Variants in ARHGAP35 observed in about 807,000 individuals in gnomAD.
ARHGAP35 encodes the protein Rho GTPase activating protein 35.
ARHGAP35 carries 15 observed loss-of-function variants against 111.1 expected under a neutral mutation model. The observed-to-expected ratio is 0.13, with a 90% CI of 0.09 to 0.21. ARHGAP35 has a LOEUF of 0.21. ARHGAP35 is among the 10% of genes least tolerant of loss of function. ARHGAP35 has a pLI of 1.00. For synonymous variants in ARHGAP35, 643 were observed against 710.3 expected (o/e 0.91, Z 1.51); for missense variants, 1,262 against 1,873.0 (o/e 0.67, Z 6.02).
chr19:46,943,331 G>T (rs923522357), intron 3 of ARHGAP35, among the ~76,000 whole-genome samples: 2 of 152,194 alleles, frequency 1.3e-5, no homozygotes, highest in East Asian at 1.9e-4. Flanking sequence ...TGAGCAGGGG[G>T]TTGAGCACCC....
In ARHGAP35 at chr19:46,943,077, G is replaced by A. The variant is rs191037778; in HGVS notation, c.3826+5669G>A. Among the ~76,000 whole-genome samples, 638 of 149,360 alleles carry A rather than the reference G, an allele frequency of 4.3e-3. 1 individual carries two copies. The highest frequency in any genetic ancestry group is 6.8e-3 in the Non-Finnish European group (459 of 67,664). ...TTTTAAAGAGACAGAGTCTCACTCT[G>A]TCACTGAGGCTGGAGTACAATGGTG... On this transcript the variant is annotated intron_variant, in intron 3 of 6. Transcript: ENST00000672722.
chr19:46,877,724 G>T (rs552144466), intron 1 of ARHGAP35, among the ~76,000 whole-genome samples: 2 of 151,236 alleles, frequency 1.3e-5, no homozygotes, highest in Non-Finnish European at 2.9e-5. Context: ...TTTTTTGGAG[G>T]GGGGACAGTT....
chr19:46,949,509 T>A (rs2056400095), intron 3 of ARHGAP35, among the ~76,000 whole-genome samples: 1 of 152,206 alleles, frequency 6.6e-6, no homozygotes, highest in East Asian at 1.9e-4. Context: ...AAACCCAGAA[T>A]ATGATACATT....
At chr19:46,979,617 C>T (rs1007701552) in intron 3 of ARHGAP35, among the ~76,000 whole-genome samples, 1 of 152,202 alleles carries the variant, frequency 6.6e-6, no homozygotes, top group Non-Finnish European at 1.5e-5. Context: ...GATGCTAGAG[C>T]CATCTGATCC....
intron 1 of ARHGAP35, among the ~76,000 whole-genome samples, chr19:46,877,327 C>T (rs1020933431): frequency 5.3e-5 from 8 of 149,940 alleles, no homozygotes; most frequent in Admixed American, 2.0e-4. Context: ...CTTTGGGAGG[C>T]GGAGGTGGGT....
chr19:46,964,087 T>C (rs751443813), intron 3 of ARHGAP35, among the ~76,000 whole-genome samples: 2 of 151,958 alleles, frequency 1.3e-5, no homozygotes, highest in Non-Finnish European at 2.9e-5. Flanking sequence ...AAGCTGGTCT[T>C]GAACTCCTGA....
intron 3 of ARHGAP35, among the ~76,000 whole-genome samples, chr19:46,951,258 A>G (rs557915121): frequency 7.5e-4 from 115 of 152,364 alleles, no homozygotes; most frequent in African/African-American, 2.7e-3. Context: ...GCTTGCCATT[A>G]GATCACAGGC....
intron 3 of ARHGAP35, chr19:46,946,756 T>A (rs1163974161): frequency 6.6e-6 from 1 of 152,464 alleles, no homozygotes; most frequent in Non-Finnish European, 1.5e-5. Context: ...TGTGTGTGTG[T>A]GTGTGTTTGA....
In ARHGAP35 at chr19:46,937,271, A is replaced by G. The variant is rs1464512968; in HGVS notation, c.3689A>G (p.Lys1230Arg). ...TTTCTCTTTCCTGGACAGAAACCAA[A>G]GCCCAAACCCCGGCCATCCATCACA... Reference protein sequence around the residue: ...RSLRRNTKKPKPKPRPSITKA... With the variant: ...RSLRRNTKKPRPKPRPSITKA... Residue 1230 changes from lysine (K) to arginine (R), a missense_variant, in exon 3 of 7, where the codon AAG becomes AGG. Coordinates refer to ENST00000672722, the MANE Select transcript of ARHGAP35 (RefSeq NM_004491.5). The G allele has an allele frequency of 1.2e-6, 2 of 1,613,658 alleles. No individual in the cohort carries two copies. Among genetic ancestry groups the G allele is most frequent in the Admixed American group, 3.3e-5 (2 of 59,976 alleles).
At chr19:46,903,393 G>T (rs1599808359) in intron 1 of ARHGAP35, among the ~76,000 whole-genome samples, 3 of 152,294 alleles carry the variant, frequency 2.0e-5, no homozygotes, top group East Asian at 3.9e-4. Context: ...TAGCTGCTCT[G>T]TGCTCTTCCC....
chr19:46,971,101 G>A (rs1487821545), intron 3 of ARHGAP35, among the ~76,000 whole-genome samples: 1 of 152,138 alleles, frequency 6.6e-6, no homozygotes, highest in African/African-American at 2.4e-5. Flanking sequence ...ACCTCCATGT[G>A]TATGAACTAA....
At chr19:46,882,723 A>G (rs1466460364) in intron 1 of ARHGAP35, among the ~76,000 whole-genome samples, 1 of 151,404 alleles carries the variant, frequency 6.6e-6, no homozygotes, top group Non-Finnish European at 1.5e-5. Context: ...TCATTGTTCA[A>G]CTCCCACTTT....
chr19:46,879,617 A>AATAAAT (rs899638161), intron 1 of ARHGAP35, among the ~76,000 whole-genome samples: 3 of 141,342 alleles, frequency 2.1e-5, no homozygotes, highest in South Asian at 2.2e-4. Flanking sequence ...TAAATAAATA[A>AATAAAT]AAATAAAAAT....
rs118120137 is a variant in ARHGAP35 at position 46,898,744 on chromosome 19, G to A, written c.-188-19744G>A. On this transcript the variant is annotated intron_variant, in intron 1 of 6. Coordinates refer to ENST00000672722, the MANE Select transcript of ARHGAP35 (RefSeq NM_004491.5). ...CCAGAGATGAGAAAGCTGCCTGTGGGCTAGAACCCAGGAGCCTCCATGCAC... is the reference window on the plus strand; with the variant it reads ...CCAGAGATGAGAAAGCTGCCTGTGGACTAGAACCCAGGAGCCTCCATGCAC... Among the ~76,000 whole-genome samples, 7 of 152,292 alleles carry A rather than the reference G, an allele frequency of 4.6e-5. No homozygotes were observed. In the East Asian group the frequency reaches 1.2e-3, roughly 25 times the overall value.
chr19:46,880,178 A>C (rs1443909735), intron 1 of ARHGAP35, among the ~76,000 whole-genome samples: 1 of 152,124 alleles, frequency 6.6e-6, no homozygotes, highest in Non-Finnish European at 1.5e-5. Context: ...CACGCCTGTA[A>C]TCCCAACACT....
intron 5 of ARHGAP35, among the ~76,000 whole-genome samples, chr19:46,991,941 C>G (rs2056681487): frequency 6.6e-6 from 1 of 152,226 alleles, no homozygotes; most frequent in Non-Finnish European, 1.5e-5. Flanking sequence ...CAAATCCCAT[C>G]ACAACAAATA....
intron 1 of ARHGAP35, among the ~76,000 whole-genome samples, chr19:46,891,330 A>T (rs2056022361): frequency 6.6e-6 from 1 of 152,042 alleles, no homozygotes; most frequent in South Asian, 2.1e-4. Context: ...TATTCTACTT[A>T]TGTGAATGGG....
chr19:46,942,281 A>G (rs2056351919), intron 3 of ARHGAP35, among the ~76,000 whole-genome samples: 1 of 152,212 alleles, frequency 6.6e-6, no homozygotes, highest in Non-Finnish European at 1.5e-5. Context: ...TTATTTTCAC[A>G]TAATTCAGAG....
rs972295344 is a variant in ARHGAP35 at position 47,002,930 on chromosome 19, TCTC to T, written c.*2246_*2248del. On this transcript the variant is annotated 3_prime_UTR_variant, in exon 7 of 7. Transcript: ENST00000672722. ...GAGGAGCACCTGGGCTCTCTACCCC[TCTC>T]CTCACAGAAGTACCTGAAACTAGGT... 6.6e-6 allele frequency: 1 copy of T among 152,158 alleles called. No homozygotes were observed. 9.4% of individuals were successfully genotyped at this position (152,158 alleles called of 1,614,324 possible). A position where few individuals can be genotyped will look rare whatever the true frequency, so the allele number is the denominator to read the frequency against.
Sources: allele counts gnomAD v4.1 joint callset (sites outside exome capture counted in the v4.1 genomes callset), GRCh38; gene constraint gnomAD v4.1.1; transcripts MANE v1.5; gene names NCBI Gene and HGNC (gene_info 2026-07-23, HGNC 2026-07-21).